Variants in PPP1R12B observed in about 807,000 individuals in gnomAD.
The protein encoded by PPP1R12B is protein phosphatase 1 regulatory subunit 12B.
PPP1R12B carries 76 observed loss-of-function variants against 126.1 expected under a neutral mutation model. That is an observed-to-expected ratio of 0.60 (90% confidence interval 0.50 to 0.73). The LOEUF (loss-of-function observed/expected upper bound fraction) is 0.73, where lower values mean the gene tolerates loss of function less well. Ranked by LOEUF, PPP1R12B falls within the 30% of genes least tolerant of loss-of-function variation. The pLI is 0.00. For missense variants in PPP1R12B, 1,052 were observed against 1,205.1 expected, an observed-to-expected ratio of 0.87 and a Z score of 1.88; for synonymous variants, 356 against 434.7, an observed-to-expected ratio of 0.82 and a Z score of 2.25.
chr1:202,459,692 G>A (rs570269484), intron 13 of PPP1R12B, among the ~76,000 whole-genome samples: 4 of 152,312 alleles, frequency 2.6e-5, no homozygotes, highest in African/African-American at 9.6e-5. Flanking sequence ...AGGCACAGTA[G>A]AGACCATCAC....
intron 13 of PPP1R12B, among the ~76,000 whole-genome samples, chr1:202,476,560 G>A (rs1311078781): frequency 1.3e-5 from 2 of 151,910 alleles, no homozygotes; most frequent in African/African-American, 4.8e-5. Flanking sequence ...GCACATGCCT[G>A]TAGTTCCAGC....
In PPP1R12B at chr1:202,571,223, A is replaced by AT. The variant is rs541912637; in HGVS notation, c.2862+2032dup. ...ATTCTGTAGGTTGAGATAGGCTTAC[A>AT]TTTTTTCTCTGTCTCTTTATGCTAT... On this transcript the variant is annotated intron_variant, in intron 23 of 23. Transcript: ENST00000608999. Among the ~76,000 whole-genome samples, 180 of 152,218 alleles carry AT rather than the reference A, an allele frequency of 1.2e-3. 1 individual carries two copies. The highest frequency in any genetic ancestry group is 1.5e-3 in the Admixed American group (23 of 15,292).
At chr1:202,460,224 CAA>C (rs1467296265) in intron 13 of PPP1R12B, among the ~76,000 whole-genome samples, 4 of 152,152 alleles carry the variant, frequency 2.6e-5, no homozygotes, top group Non-Finnish European at 5.9e-5. Context: ...TTTTTCTCCA[CAA>C]TAAGCTAAAA....
At chr1:202,538,212 C>T (rs1684749619) in intron 18 of PPP1R12B, among the ~76,000 whole-genome samples, 1 of 152,200 alleles carries the variant, frequency 6.6e-6, no homozygotes. Context: ...TCAGGCTGGT[C>T]TCAAACTCTT....
At chr1:202,374,784 C>T (rs1055142281) in intron 1 of PPP1R12B, among the ~76,000 whole-genome samples, 1 of 151,864 alleles carries the variant, frequency 6.6e-6, no homozygotes, top group Non-Finnish European at 1.5e-5. Flanking sequence ...GCAATCCGCC[C>T]GCCTCTGCCT....
At chr1:202,541,623 C>A (rs1351175719) in intron 18 of PPP1R12B, among the ~76,000 whole-genome samples, 1 of 152,152 alleles carries the variant, frequency 6.6e-6, no homozygotes, top group African/African-American at 2.4e-5. Flanking sequence ...CTGAGTAGTA[C>A]CTTTAGTTGT....
intron 1 of PPP1R12B, among the ~76,000 whole-genome samples, chr1:202,395,983 C>T (rs1344030180): frequency 5.9e-5 from 9 of 152,206 alleles, no homozygotes; most frequent in African/African-American, 2.2e-4. Context: ...CCCTGGCCAA[C>T]TCACTCATTT....
At chr1:202,451,248 G>C (rs1672885640) in intron 13 of PPP1R12B, among the ~76,000 whole-genome samples, 1 of 149,982 alleles carries the variant, frequency 6.7e-6, no homozygotes, top group Non-Finnish European at 1.5e-5. Flanking sequence ...TAGGACAATA[G>C]TGGAGGGAAG....
intron 1 of PPP1R12B, among the ~76,000 whole-genome samples, chr1:202,397,491 A>C (rs1665156794): frequency 6.6e-6 from 1 of 152,190 alleles, no homozygotes; most frequent in African/African-American, 2.4e-5. Context: ...CCAGCTTCAA[A>C]TAGACCAGAA....
intron 18 of PPP1R12B, among the ~76,000 whole-genome samples, chr1:202,541,339 A>G (rs1685112273): frequency 6.6e-6 from 1 of 152,196 alleles, no homozygotes; most frequent in Non-Finnish European, 1.5e-5. Context: ...GACCTCAGCT[A>G]GGGATGAGAA....
At chr1:202,534,246 GAC>G (rs1442784405) in intron 18 of PPP1R12B, among the ~76,000 whole-genome samples, 1 of 152,126 alleles carries the variant, frequency 6.6e-6, no homozygotes, top group African/African-American at 2.4e-5. Flanking sequence ...GTTGTTTGAG[GAC>G]TTTCTCACCT....
chr1:202,544,123 TACC>T (rs1685411476), intron 18 of PPP1R12B, among the ~76,000 whole-genome samples: 2 of 152,216 alleles, frequency 1.3e-5, no homozygotes, highest in Admixed American at 1.3e-4. Context: ...TCTTTTCTCA[TACC>T]ACGAAACAAC....
chr1:202,404,711 C>G (rs1666346215), intron 1 of PPP1R12B, among the ~76,000 whole-genome samples: 1 of 152,056 alleles, frequency 6.6e-6, no homozygotes, highest in Non-Finnish European at 1.5e-5. Context: ...CTGTGTTAGC[C>G]AGGATGGTCT....
chr1:202,496,485 TTGAC>T (rs1405771144), intron 17 of PPP1R12B, among the ~76,000 whole-genome samples: 5 of 152,252 alleles, frequency 3.3e-5, no homozygotes, highest in African/African-American at 1.2e-4. Flanking sequence ...TAGGGCTAAA[TTGAC>T]TGATAAGTAT....
intron 13 of PPP1R12B, among the ~76,000 whole-genome samples, chr1:202,451,983 C>T (rs1673014150): frequency 6.6e-6 from 1 of 150,934 alleles, no homozygotes; most frequent in African/African-American, 2.4e-5. Flanking sequence ...CTCCTCACTT[C>T]TCAGACAGGG....
chr1:202,349,126 T>G lies in PPP1R12B; in HGVS notation c.275T>G (p.Leu92Trp). The G allele has an allele frequency of 1.2e-6, 2 of 1,613,962 alleles. No individual in the cohort carries two copies. The highest frequency in any genetic ancestry group is 1.7e-6 in the Non-Finnish European group (2 of 1,180,022). ...ADINTVNVDG[L>W]TALHQACIDE... ...ATCAACACGGTCAACGTGGACGGCT[T>G]GACAGCCCTGCACCAGGTAACTCCT... Residue 92 changes from leucine to tryptophan, a missense_variant, in exon 1 of 24, where the codon TTG (leucine) becomes TGG (tryptophan). Coordinates refer to ENST00000608999, the MANE Select transcript of PPP1R12B (RefSeq NM_002481.4).
At chr1:202,532,729 A>G (rs1164366570) in intron 18 of PPP1R12B, among the ~76,000 whole-genome samples, 4 of 151,652 alleles carry the variant, frequency 2.6e-5, no homozygotes, top group Non-Finnish European at 5.9e-5. Flanking sequence ...AAAGAAAGTC[A>G]CTTCCTTGTG....
intron 10 of PPP1R12B, chr1:202,438,901 G>A (rs1047936361): frequency 1.8e-5 from 27 of 1,488,490 alleles, no homozygotes; most frequent in Admixed American, 3.4e-5. Flanking sequence ...TACATCCACC[G>A]CACGCGGCCC....
intron 10 of PPP1R12B, chr1:202,439,282 A>T: frequency 2.1e-6 from 3 of 1,424,426 alleles, no homozygotes. Flanking sequence ...ATACTGGCCC[A>T]GCAGGGTGAG....
Sources: allele counts gnomAD v4.1 joint callset (sites outside exome capture counted in the v4.1 genomes callset), GRCh38; gene constraint gnomAD v4.1.1; transcripts MANE v1.5; gene names NCBI Gene and HGNC (gene_info 2026-07-23, HGNC 2026-07-21).